Variants in MAOA observed in about 807,000 individuals in gnomAD.
MAOA encodes the protein amine oxidase [flavin-containing] A.
A neutral mutation model predicts 42.0 loss-of-function variants in MAOA; 6 were observed. That is an observed-to-expected ratio of 0.14 (90% confidence interval 0.08 to 0.28). The LOEUF (loss-of-function observed/expected upper bound fraction) is 0.28, where lower values mean the gene tolerates loss of function less well. MAOA is among the 10% of genes least tolerant of loss of function. The pLI is 1.00. For missense variants in MAOA, 262 were observed against 422.3 expected (o/e 0.62, Z 3.33); for synonymous variants, 140 against 154.0 (o/e 0.91, Z 0.67).
chrX:43,703,522 AT>A (rs1355962379), intron 3 of MAOA, among the ~76,000 whole-genome samples: 3 of 112,294 alleles, frequency 2.7e-5, no homozygotes, highest in Non-Finnish European at 5.6e-5. Flanking sequence ...CATGTGTAAC[AT>A]TTGGAAAATA....
chrX:43,704,180 G>T (rs1334755044), intron 3 of MAOA, among the ~76,000 whole-genome samples: 1 of 111,006 alleles, frequency 9.0e-6, no homozygotes. Flanking sequence ...CAAAACCAAA[G>T]ACATCACAAG....
chrX:43,682,069 G>T (rs1040787928), intron 1 of MAOA, among the ~76,000 whole-genome samples: 1 of 109,850 alleles, frequency 9.1e-6, no homozygotes, highest in African/African-American at 3.3e-5. Context: ...TTTTAGTAGA[G>T]ATGGGGTTTC....
intron 1 of MAOA, among the ~76,000 whole-genome samples, chrX:43,658,522 A>G (rs2033205873): frequency 8.9e-6 from 1 of 111,863 alleles, no homozygotes; most frequent in Non-Finnish European, 1.9e-5. Context: ...GAGGATACCC[A>G]AGTTATATAT....
intron 3 of MAOA, among the ~76,000 whole-genome samples, chrX:43,702,798 A>T (rs1421833260): frequency 1.8e-5 from 2 of 111,765 alleles, no homozygotes; most frequent in African/African-American, 6.5e-5. Context: ...TTGGGCTGAG[A>T]TTTAATTTTG....
At chrX:43,735,225 C>T (rs2033911319) in intron 9 of MAOA, among the ~76,000 whole-genome samples, 1 of 111,849 alleles carries the variant, frequency 8.9e-6, no homozygotes, top group African/African-American at 3.2e-5. Flanking sequence ...GTTTTTTGCA[C>T]TGATCTACCT....
intron 1 of MAOA, among the ~76,000 whole-genome samples, chrX:43,658,142 A>G (rs1386765313): frequency 7.2e-5 from 8 of 111,671 alleles, no homozygotes; most frequent in African/African-American, 2.6e-4. Flanking sequence ...CTGGAAAATA[A>G]ATATGATGAC....
intron 1 of MAOA, among the ~76,000 whole-genome samples, chrX:43,681,233 G>T (rs1439459782): frequency 1.8e-5 from 2 of 111,433 alleles, no homozygotes; most frequent in Non-Finnish European, 3.8e-5. Flanking sequence ...CATTGCTACT[G>T]GGTAGGTTAT....
intron 3 of MAOA, among the ~76,000 whole-genome samples, chrX:43,708,883 CAG>C (rs2033678938): frequency 9.3e-6 from 1 of 107,343 alleles, no homozygotes; most frequent in Admixed American, 1.0e-4. Context: ...GTGTTTGAGA[CAG>C]AGTCGTGCTC....
intron 6 of MAOA, among the ~76,000 whole-genome samples, chrX:43,730,264 T>C (rs1456214727): frequency 9.2e-6 from 1 of 108,716 alleles, no homozygotes; most frequent in Non-Finnish European, 1.9e-5. Flanking sequence ...ACCAAAAGCA[T>C]TGTGTTAAGG....
intron 9 of MAOA, among the ~76,000 whole-genome samples, chrX:43,735,642 C>T (rs2078155405): frequency 1.8e-5 from 2 of 112,602 alleles, no homozygotes; most frequent in Admixed American, 9.4e-5. Flanking sequence ...TCTGCCATTC[C>T]CTTGGAAGTT....
At chrX:43,688,200 C>T (rs1322421578) in intron 2 of MAOA, among the ~76,000 whole-genome samples, 2 of 112,680 alleles carry the variant, frequency 1.8e-5, no homozygotes, top group Non-Finnish European at 3.7e-5. Flanking sequence ...CACATTGTTC[C>T]GGCCACTTTG....
intron 5 of MAOA, among the ~76,000 whole-genome samples, chrX:43,718,161 T>C (rs985916835): frequency 9.5e-6 from 1 of 105,761 alleles, no homozygotes; most frequent in Admixed American, 1.0e-4. Flanking sequence ...CAAGAATGAT[T>C]CACAGAGGCA....
At chrX:43,655,176 A>G (rs924973238), upstream of MAOA, 3 of 113,192 alleles carry the variant, frequency 2.7e-5, no homozygotes, top group Non-Finnish European at 3.6e-5. Context: ...CACCGGCACC[A>G]GTACCCGCAC....
At chrX:43,728,437 G>A in intron 6 of MAOA, 123 bp downstream of exon 6, 1 of 787,506 alleles carries the variant, frequency 1.3e-6, no homozygotes, top group Non-Finnish European at 1.9e-6. Context: ...AGCATGAAAT[G>A]ATCTCAAAAG....
chrX:43,741,331 G>A (rs754316334), intron 11 of MAOA, among the ~76,000 whole-genome samples: 1 of 111,142 alleles, frequency 9.0e-6, no homozygotes. Context: ...TCAGGGGCTT[G>A]TCTCTAAACT....
At chrX:43,728,078 A>G (rs1364269439) in intron 5 of MAOA, 95 bp from the exon 6 acceptor site, 1 of 898,346 alleles carries the variant, frequency 1.1e-6, no homozygotes, top group Admixed American at 2.2e-5. Context: ...CAACAGAAAA[A>G]CTTTCTGAAC....
chrX:43,677,886 G>A (rs1473806936), intron 1 of MAOA, among the ~76,000 whole-genome samples: 1 of 111,134 alleles, frequency 9.0e-6, no homozygotes, highest in African/African-American at 3.3e-5. Context: ...CTGAGTATAG[G>A]GGATGATAGA....
rs189273835 is a variant in MAOA, at chrX:43,717,488, G to A, written c.503+4692G>A. 1.3e-3 allele frequency among the ~76,000 whole-genome samples: 150 copies of A among 111,987 alleles called. 1 individual carries two copies. Among genetic ancestry groups the A allele is most frequent in the Middle Eastern group, 4.7e-3 (1 of 213 alleles). On this transcript the variant is annotated intron_variant, in intron 5 of 14. Transcript: ENST00000338702. ...CACAGGTGTGGGAGAAGACAGTCAG[G>A]GTAGATGGTTTGGTGGAATGAAATC...
At position 43,743,809 on chromosome X, in the gene MAOA, C is replaced by T. The variant is rs1401479459; in HGVS notation, c.1278C>T (p.Pro426=). The T allele has an allele frequency of 3.4e-6, 4 of 1,169,528 alleles. No individual in the cohort carries two copies. The highest frequency in any genetic ancestry group is 2.3e-4 in the Middle Eastern group (1 of 4,303). Residue 426 remains proline (P), a synonymous_variant, in exon 13 of 15, where the codon CCC becomes CCT. Coordinates refer to ENST00000338702, the MANE Select transcript of MAOA (RefSeq NM_000240.4). ...MTQYGRVIRQ[P]VGRIFFAGTE... ...TCCCTTGAAGGGTGATTCGTCAACC[C>T]GTGGGCAGGATTTTCTTTGCGGGCA...
Sources: gnomAD v4.1 joint callset for allele counts (sites outside exome capture counted in the v4.1 genomes callset) on GRCh38, gnomAD v4.1.1 for gene constraint, MANE v1.5 for transcripts, NCBI Gene and HGNC (gene_info 2026-07-23, HGNC 2026-07-21) for gene names.